UGT1A8: variants seen among roughly 807,000 people sequenced by gnomAD.
The protein encoded by UGT1A8 is UDP glucuronosyltransferase family 1 member A8, also known as UDP-glucuronosyltransferase 1A8.
A neutral mutation model predicts 45.3 loss-of-function variants in UGT1A8; 39 were observed. The observed-to-expected ratio is 0.86, with a 90% CI of 0.67 to 1.12. The LOEUF (loss-of-function observed/expected upper bound fraction) is 1.12. Among genes scored for constraint, UGT1A8 ranks in the 50% most tolerant of loss-of-function variants. UGT1A8 has a pLI of 0.00. For missense variants in UGT1A8, 719 were observed against 664.9 expected (o/e 1.08, Z -0.90); for synonymous variants, 275 against 249.2 (o/e 1.10, Z -0.97).
intron 1 of UGT1A8, among the ~76,000 whole-genome samples, chr2:233,681,016 AG>A (rs1402583514): frequency 1.3e-5 from 2 of 151,990 alleles, no homozygotes; most frequent in East Asian, 3.9e-4. Flanking sequence ...CAGAGGCCTC[AG>A]AAGATTTGGA....
At chr2:233,676,117 GACCC>G (rs1471691373) in intron 1 of UGT1A8, among the ~76,000 whole-genome samples, 1 of 152,146 alleles carries the variant, frequency 6.6e-6, no homozygotes, top group Non-Finnish European at 1.5e-5. Flanking sequence ...TTCAACAGAA[GACCC>G]ACCCTGGGGT....
At chr2:233,766,654 A>G (rs1414675173) in intron 1 of UGT1A8, among the ~76,000 whole-genome samples, 3 of 152,054 alleles carry the variant, frequency 2.0e-5, no homozygotes, top group Non-Finnish European at 4.4e-5. Flanking sequence ...ATTTAAAGGG[A>G]CCACGCCCTT....
intron 1 of UGT1A8, among the ~76,000 whole-genome samples, chr2:233,689,457 T>C (rs2074944426): frequency 6.6e-6 from 1 of 152,220 alleles, no homozygotes; most frequent in Admixed American, 6.5e-5. Flanking sequence ...GGATACATTT[T>C]AGGAAAACAG....
At chr2:233,663,733 G>T (rs977861506) in intron 1 of UGT1A8, among the ~76,000 whole-genome samples, 2 of 152,154 alleles carry the variant, frequency 1.3e-5, no homozygotes, top group Admixed American at 1.3e-4. Flanking sequence ...CCCAAAGTTG[G>T]TTCAGTCTAT....
At chr2:233,755,222 G>A in intron 1 of UGT1A8, 1 of 994,216 alleles carries the variant, frequency 1.0e-6, no homozygotes, top group Admixed American at 1.9e-5. Flanking sequence ...TGATACCCTC[G>A]GACGAGGCCT....
intron 1 of UGT1A8, among the ~76,000 whole-genome samples, chr2:233,750,114 G>T (rs1694365231): frequency 6.6e-6 from 1 of 151,914 alleles, no homozygotes; most frequent in South Asian, 2.1e-4. Flanking sequence ...AAGAAGACAG[G>T]AAGATGTGGG....
intron 1 of UGT1A8, among the ~76,000 whole-genome samples, chr2:233,640,644 CT>C (rs1331609909): frequency 1.3e-5 from 2 of 152,146 alleles, no homozygotes; most frequent in Non-Finnish European, 2.9e-5. Context: ...AGAACAGTCT[CT>C]TTTTTAGGCT....
chr2:233,645,186 C>T (rs1012964887), intron 1 of UGT1A8, among the ~76,000 whole-genome samples: 1 of 152,172 alleles, frequency 6.6e-6, no homozygotes, highest in African/African-American at 2.4e-5. Flanking sequence ...GTTGACTAGG[C>T]TTCTTGAGAG....
intron 1 of UGT1A8, among the ~76,000 whole-genome samples, chr2:233,637,603 A>T (rs2073333392): frequency 6.6e-6 from 1 of 152,212 alleles, no homozygotes; most frequent in South Asian, 2.1e-4. Context: ...GATCATATTC[A>T]GGCTACATTT....
Position 233,618,345 on chromosome 2 carries a change from A to T in UGT1A8, c.638A>T (p.His213Leu). ...GAGAGAGTACGGAACCACATCATGCACTTGGAGGAACATTTATTTTGCCAG... is the reference window on the plus strand; with the variant it reads ...GAGAGAGTACGGAACCACATCATGCTCTTGGAGGAACATTTATTTTGCCAG... The part of the protein sequence containing the change: ...FKERVRNHIM[H>L]LEEHLFCQYF... The change falls in exon 1 of 5, where the codon CAC (histidine) becomes CTC (leucine). Residue 213 changes from histidine (H) to leucine (L), a missense_variant. By Grantham distance (99) the His-to-Leu change is moderately conservative. Coordinates refer to ENST00000373450, the MANE Select transcript of UGT1A8 (RefSeq NM_019076.5). 6.2e-7 allele frequency: 1 copy of T among 1,613,900 alleles called. No individual in the cohort carries two copies. Among genetic ancestry groups the T allele is most frequent in the Non-Finnish European group, 8.5e-7 (1 of 1,179,842 alleles).
At chr2:233,755,240 T>C (rs995550231) in intron 1 of UGT1A8, 23 of 876,322 alleles carry the variant, frequency 2.6e-5, no homozygotes, top group Admixed American at 5.9e-5. Context: ...CCTACCGGGG[T>C]ACTCCCAGCA....
rs750401894 is a variant in UGT1A8, at chr2:233,768,320, T to G, written c.1176T>G (p.Gly392=). Residue 392 remains glycine, a synonymous_variant, in exon 4 of 5, where the codon GGT becomes GGG. Transcript: ENST00000373450. ...CCATGGTGATGATGCCCTTGTTTGG[T>G]GATCAGATGGACAATGCAAAGCGCA... ...GVPMVMMPLF[G]DQMDNAKRME... The G allele has an allele frequency of 2.5e-6, 4 of 1,614,162 alleles. No homozygotes were observed. The Admixed American group carries it at 6.7e-5, about 27-fold the overall frequency.
At chr2:233,697,515 TA>T (rs536054033) in intron 1 of UGT1A8, among the ~76,000 whole-genome samples, 97 of 150,120 alleles carry the variant, frequency 6.5e-4, no homozygotes, top group South Asian at 1.3e-3. Context: ...TTTTTTTTTT[TA>T]AAAAACTTTT....
At chr2:233,676,986 T>C (rs2074378510) in intron 1 of UGT1A8, among the ~76,000 whole-genome samples, 1 of 152,182 alleles carries the variant, frequency 6.6e-6, no homozygotes, top group Non-Finnish European at 1.5e-5. Context: ...AATGAGGTAG[T>C]GTTACCTCTA....
chr2:233,755,783 C>G (rs142854795), intron 1 of UGT1A8: 1,687 of 152,656 alleles, frequency 0.011, 25 homozygotes, highest in Non-Finnish European at 0.017. Flanking sequence ...TTATGCCTAT[C>G]ATATGTACTG....
chr2:233,649,256 A>G (rs1164357974), intron 1 of UGT1A8, among the ~76,000 whole-genome samples: 6 of 152,180 alleles, frequency 3.9e-5, no homozygotes, highest in Non-Finnish European at 8.8e-5. Flanking sequence ...TTTCCACTGC[A>G]TTTTTAAAAT....
At chr2:233,751,502 G>A (rs1015716404) in intron 1 of UGT1A8, among the ~76,000 whole-genome samples, 1 of 152,208 alleles carries the variant, frequency 6.6e-6, no homozygotes, top group Non-Finnish European at 1.5e-5. Flanking sequence ...AGATTTGGGA[G>A]GGGCCAGAGG....
Position 233,646,516 on chromosome 2 carries a change from A to G in UGT1A8, c.855+27954A>G, listed in dbSNP as rs184076735. Among the ~76,000 whole-genome samples the G allele has an allele frequency of 3.0e-4, 45 of 152,306 alleles. No homozygotes were observed. The East Asian group carries it at 6.9e-3, about 23-fold the overall frequency. On this transcript the variant is annotated intron_variant, in intron 1 of 4. Transcript: ENST00000373450. ...TAACAGCACCCAAATCACCTCTTGA[A>G]TGCTTTGCTTTTTAAAAATTTCTCA... is the stretch of plus-strand genomic sequence containing the variant.
intron 1 of UGT1A8, chr2:233,682,092 G>C: frequency 6.2e-7 from 1 of 1,614,070 alleles, no homozygotes; most frequent in Non-Finnish European, 8.5e-7. Flanking sequence ...ATCCTCAGGG[G>C]GCATGAGGTG....
Sources: allele counts gnomAD v4.1 joint callset (sites outside exome capture counted in the v4.1 genomes callset), GRCh38; gene constraint gnomAD v4.1.1; transcripts MANE v1.5; gene names NCBI Gene and HGNC (gene_info 2026-07-23, HGNC 2026-07-21).